Variants in LOXHD1 observed in about 807,000 individuals in gnomAD.
LOXHD1 encodes the protein lipoxygenase homology domain-containing protein 1.
Under a neutral mutation model 248.2 loss-of-function variants are expected in LOXHD1, and 205 were observed. That is an observed-to-expected ratio of 0.83 (90% CI 0.74 to 0.93). LOXHD1 has a LOEUF of 0.93. Ranked by LOEUF, LOXHD1 falls within the 40% of genes least tolerant of loss-of-function variation. The probability of loss-of-function intolerance (pLI) is 0.00; values close to 1 mark genes in which losing one functional copy is unlikely to be tolerated. For synonymous variants in LOXHD1, 1,113 were observed against 1,162.8 expected, an observed-to-expected ratio of 0.96 and a Z score of 0.87; for missense variants, 2,930 against 2,971.6, an observed-to-expected ratio of 0.99 and a Z score of 0.33.
At chr18:46,534,200 C>A in intron 27 of LOXHD1, 135 bp downstream of exon 27, 1 of 618,228 alleles carries the variant, frequency 1.6e-6, no homozygotes. Flanking sequence ...TCTGAGTGAA[C>A]TGGGTGAATT....
rs2144009684 is a variant in LOXHD1 at position 46,560,069 on chromosome 18, C to CCCCCCCCCCCA, written c.3061+13_3061+14insTGGGGGGGGGG. ...CCACTCCCTCCCCACCCCCACCCCC[C>CCCCCCCCCCCA]ACGACCCACTTACGCTCAGGACCCG... is the stretch of plus-strand genomic sequence containing the variant. On this transcript the variant is annotated intron_variant, in intron 19 of 40. Transcript: ENST00000642948. The CCCCCCCCCCCA allele has an allele frequency of 5.9e-6, 9 of 1,514,250 alleles. No homozygotes were observed. Among genetic ancestry groups the CCCCCCCCCCCA allele is most frequent in the Non-Finnish European group, 8.0e-6 (9 of 1,119,012 alleles). 93.8% of individuals were successfully genotyped at this position (1,514,250 alleles called of 1,614,324 possible).
At chr18:46,572,035 C>A (rs2037761435) in intron 15 of LOXHD1, 51 bp downstream of exon 15, 1 of 1,471,928 alleles carries the variant, frequency 6.8e-7, no homozygotes, top group Non-Finnish European at 9.3e-7. Flanking sequence ...TGAGGGAAGG[C>A]CCCTGTCTCA....
intron 12 of LOXHD1, among the ~76,000 whole-genome samples, chr18:46,585,661 G>T (rs1007206581): frequency 1.3e-5 from 2 of 152,084 alleles, no homozygotes; most frequent in Admixed American, 6.6e-5. Context: ...GAACTCAGCT[G>T]ACTTATTTGT....
chr18:46,649,436 C>T (rs1186967978), intron 1 of LOXHD1, among the ~76,000 whole-genome samples, 167 bp from the exon 2 acceptor site: 1 of 152,208 alleles, frequency 6.6e-6, no homozygotes, highest in African/African-American at 2.4e-5. Context: ...ACGATATGTC[C>T]TGCTGCAAGA....
At chr18:46,578,364 A>G (rs1432553992) in intron 13 of LOXHD1, among the ~76,000 whole-genome samples, 1 of 152,224 alleles carries the variant, frequency 6.6e-6, no homozygotes, top group East Asian at 1.9e-4. Context: ...GGACAGAAAC[A>G]CTGAAGGTGG....
At chr18:46,523,497 A>G (rs1025877530) in intron 31 of LOXHD1, among the ~76,000 whole-genome samples, 8 of 152,310 alleles carry the variant, frequency 5.3e-5, no homozygotes, top group African/African-American at 1.9e-4. Context: ...ATGTGAGTGA[A>G]AAGAAAAATT....
At chr18:46,560,048 T>TCCCGGC in intron 19 of LOXHD1, 35 bp downstream of exon 19, 5 of 1,226,294 alleles carry the variant, frequency 4.1e-6, no homozygotes, top group Non-Finnish European at 5.6e-6. Flanking sequence ...GTCTGGCCAC[T>TCCCGGC]CCCTCCCCAC....
intron 21 of LOXHD1, among the ~76,000 whole-genome samples, chr18:46,549,342 T>TA (rs540941266): frequency 9.0e-4 from 77 of 85,686 alleles, no homozygotes; most frequent in African/African-American, 2.6e-3. Context: ...CACTTGAAAG[T>TA]AAAAAATGGA....
At chr18:46,605,573 A>G (rs376210829) in intron 6 of LOXHD1, among the ~76,000 whole-genome samples, 15 of 152,208 alleles carry the variant, frequency 9.9e-5, no homozygotes, top group Admixed American at 6.5e-4. Flanking sequence ...CATCTCTTGC[A>G]TAAAATGCAA....
chr18:46,624,009 C>T (rs2038704687), intron 4 of LOXHD1, among the ~76,000 whole-genome samples: 1 of 152,224 alleles, frequency 6.6e-6, no homozygotes, highest in Non-Finnish European at 1.5e-5. Context: ...CAGGGAAGCT[C>T]ACGTGGTCCA....
At chr18:46,515,731 A>C (rs1483009829) in intron 34 of LOXHD1, among the ~76,000 whole-genome samples, 1 of 152,188 alleles carries the variant, frequency 6.6e-6, no homozygotes, top group Non-Finnish European at 1.5e-5. Flanking sequence ...AGGAGACTGA[A>C]TATGCAAACA....
At chr18:46,648,266 A>G (rs2039058256) in intron 2 of LOXHD1, among the ~76,000 whole-genome samples, 1 of 152,106 alleles carries the variant, frequency 6.6e-6, no homozygotes. Flanking sequence ...TCAAAACAAA[A>G]CAAAACAAAA....
At position 46,524,510 on chromosome 18, in the gene LOXHD1, C is replaced by T; in HGVS notation, c.4832G>A (p.Ser1611Asn). ...GTCAGCCATGGGCCCGGTCACTGTGCTGATGTCGACATCGGCCATCTTGGA... is the reference window on the plus strand; with the variant it reads ...GTCAGCCATGGGCCCGGTCACTGTGTTGATGTCGACATCGGCCATCTTGGA... Reference protein sequence around the residue: ...LSSKMADVDISTVTGPMADYV... With the variant: ...LSSKMADVDINTVTGPMADYV... Residue 1611 changes from serine to asparagine, a missense_variant, in exon 31 of 41, where the codon AGC (serine) becomes AAC (asparagine). Physicochemically the swap from Ser to Asn is conservative, Grantham distance 46. Coordinates refer to ENST00000642948, the MANE Select transcript of LOXHD1 (RefSeq NM_001384474.1). The T allele has an allele frequency of 6.4e-7, 1 of 1,551,734 alleles. No homozygotes were observed. Among genetic ancestry groups the T allele is most frequent in the Non-Finnish European group, 8.7e-7 (1 of 1,147,004 alleles).
At chr18:46,609,633 C>T (rs966123072) in intron 6 of LOXHD1, among the ~76,000 whole-genome samples, 5 of 152,142 alleles carry the variant, frequency 3.3e-5, no homozygotes, top group African/African-American at 2.4e-5. Context: ...TGCAAAAGGC[C>T]GGTTGCCTGT....
At chr18:46,639,400 C>A (rs1277495845) in intron 4 of LOXHD1, among the ~76,000 whole-genome samples, 1 of 152,220 alleles carries the variant, frequency 6.6e-6, no homozygotes, top group Non-Finnish European at 1.5e-5. Flanking sequence ...TCTTGTATTT[C>A]CCACCTCCTT....
rs2144328364 is a variant in LOXHD1 at position 46,618,265 on chromosome 18, G to A, written c.537C>T (p.Tyr179=). ...PRGNKYEVKV[Y]TGDVIGAGTD... is the part of the protein sequence containing the mutation. ...TCCCTGCACCAATTACATCACCAGT[G>A]TATACCTTGACTTCATACTTATTAC... Residue 179 remains tyrosine, a synonymous_variant, in exon 5 of 41, where the codon TAC becomes TAT. Transcript: ENST00000642948. 1.3e-6 allele frequency: 2 copies of A among 1,551,158 alleles called. No homozygotes were observed. Among genetic ancestry groups the A allele is most frequent in the Non-Finnish European group, 1.7e-6 (2 of 1,146,566 alleles).
chr18:46,542,626 C>A, intron 24 of LOXHD1, 101 bp downstream of exon 24: 1 of 1,391,818 alleles, frequency 7.2e-7, no homozygotes. Context: ...TTACAGAAGA[C>A]AGATGGCATT....
At chr18:46,507,331 C>A (rs1283215933) in intron 36 of LOXHD1, among the ~76,000 whole-genome samples, 1 of 152,204 alleles carries the variant, frequency 6.6e-6, no homozygotes, top group African/African-American at 2.4e-5. Context: ...CCCTATTTCC[C>A]CAAGGGAGGA....
intron 16 of LOXHD1, among the ~76,000 whole-genome samples, chr18:46,568,434 C>A (rs1205949416): frequency 6.6e-6 from 1 of 152,202 alleles, no homozygotes; most frequent in Non-Finnish European, 1.5e-5. Context: ...AAGACTTGAA[C>A]AAAACACTAA....
Sources: allele counts gnomAD v4.1 joint callset (sites outside exome capture counted in the v4.1 genomes callset), GRCh38; gene constraint gnomAD v4.1.1; transcripts MANE v1.5; gene names NCBI Gene and HGNC (gene_info 2026-07-23, HGNC 2026-07-21).